AGAP1: variants seen among roughly 807,000 people sequenced by gnomAD.
AGAP1 encodes the protein ArfGAP with GTPase domain, ankyrin repeat and PH domain 1.
Under a neutral mutation model 105.3 loss-of-function variants are expected in AGAP1, and 29 were observed. The ratio of observed to expected loss-of-function variants is 0.28; its 90% CI spans 0.21 to 0.38. AGAP1 has a LOEUF of 0.38. Among genes scored for constraint, AGAP1 ranks in the 10% least tolerant of loss-of-function variants. The pLI is 1.00. For missense variants in AGAP1, 998 were observed against 1,165.1 expected (o/e 0.86, Z 2.09); for synonymous variants, 509 against 485.9 (o/e 1.05, Z -0.63).
At chr2:236,115,098 G>A (rs564003449) in intron 16 of AGAP1, among the ~76,000 whole-genome samples, 3 of 152,304 alleles carry the variant, frequency 2.0e-5, no homozygotes, top group South Asian at 2.1e-4. Flanking sequence ...GAAGCCTCCC[G>A]TGCCCAGCAG....
In AGAP1 at chr2:235,983,041, A is replaced by C. The variant is rs1200846810; in HGVS notation, c.1645+14418A>C. On this transcript the variant is annotated intron_variant, in intron 13 of 17. Transcript: ENST00000304032. The surrounding 1 kb of genome is among the most constrained non-coding windows in gnomAD (Gnocchi z 4.5). The stretch of plus-strand genomic sequence containing the variant: ...TTCAGATGAGCGATGTGTGAGCATG[A>C]GGAGACATTCCTTAAGCCAGCCTGG... Among the ~76,000 whole-genome samples the C allele has an allele frequency of 2.0e-5, 3 of 152,218 alleles. No individual in the cohort carries two copies. Among genetic ancestry groups the C allele is most frequent in the Admixed American group, 2.0e-4 (3 of 15,280 alleles).
In AGAP1 at chr2:235,740,828, G is replaced by A. The variant is rs1455564021; in HGVS notation, c.311-135G>A. 1.1e-6 allele frequency: 1 copy of A among 939,608 alleles called. No homozygotes were observed. Among genetic ancestry groups the A allele is most frequent in the Admixed American group, 2.5e-5 (1 of 39,638 alleles). 58.2% of individuals were successfully genotyped at this position (939,608 alleles called of 1,614,324 possible). On this transcript the variant is annotated intron_variant, in intron 3 of 17. Transcript: ENST00000304032. This position sits in a 1 kb window ranked among gnomAD's most constrained non-coding sequence, Gnocchi z 5.7. ...GCTCTGTTAAAATTCAGCATTTGCT[G>A]GCAACATCCTAAATACTCAGTTGCC...
At chr2:235,969,625 G>A (rs1261331437) in intron 13 of AGAP1, among the ~76,000 whole-genome samples, 1 of 152,182 alleles carries the variant, frequency 6.6e-6, no homozygotes, top group African/African-American at 2.4e-5. Context: ...GTCAGACAGT[G>A]GCTACATTAG....
intron 9 of AGAP1, among the ~76,000 whole-genome samples, chr2:235,837,142 C>T (rs1179106314): frequency 1.3e-5 from 2 of 152,148 alleles, no homozygotes; most frequent in South Asian, 2.1e-4. Flanking sequence ...TGCAACACCA[C>T]GCCTGGCTAA....
At chr2:236,052,580 C>T (rs1052647604) in intron 16 of AGAP1, among the ~76,000 whole-genome samples, 10 of 152,156 alleles carry the variant, frequency 6.6e-5, no homozygotes, top group Admixed American at 2.0e-4. Flanking sequence ...TCAATGGAAG[C>T]TGACGGCGGC....
At chr2:235,897,717 G>A (rs1446184171) in intron 10 of AGAP1, among the ~76,000 whole-genome samples, 1 of 152,200 alleles carries the variant, frequency 6.6e-6, no homozygotes, top group African/African-American at 2.4e-5. Context: ...GTAAGTCACA[G>A]CCGAGGACTC....
chr2:235,580,033 A>G (rs898149145), intron 1 of AGAP1, among the ~76,000 whole-genome samples: 2 of 152,178 alleles, frequency 1.3e-5, no homozygotes, highest in Non-Finnish European at 2.9e-5. Flanking sequence ...TCTTTCCCTT[A>G]ATATAATGTT....
Position 235,625,189 on chromosome 2 carries a change from T to G in AGAP1, c.164-83990T>G, listed in dbSNP as rs1946600372. 6.6e-6 allele frequency among the ~76,000 whole-genome samples: 1 copy of G among 152,216 alleles called. No individual in the cohort carries two copies. The highest frequency in any genetic ancestry group is 1.5e-5 in the Non-Finnish European group (1 of 68,044). On this transcript the variant is annotated intron_variant, in intron 1 of 17. Coordinates refer to ENST00000304032, the MANE Select transcript of AGAP1 (RefSeq NM_001037131.3). The surrounding 1 kb of genome is among the most constrained non-coding windows in gnomAD (Gnocchi z 4.0). ...CTAGACTCTTGGTGTTGCTCTTCTT[T>G]CCTTCATGACCTTGAACTCTCTGAC... is the stretch of plus-strand genomic sequence containing the variant.
In AGAP1 at chr2:235,959,997, T is replaced by G. The variant is rs1164756535; in HGVS notation, c.1484-8465T>G. 6.6e-6 allele frequency among the ~76,000 whole-genome samples: 1 copy of G among 152,188 alleles called. No homozygotes were observed. The highest frequency in any genetic ancestry group is 2.4e-5 in the African/African-American group (1 of 41,436). On this transcript the variant is annotated intron_variant, in intron 12 of 17. Transcript: ENST00000304032. This position sits in a 1 kb window ranked among gnomAD's most constrained non-coding sequence, Gnocchi z 7.3. ...GGAGTAAAATGTCCAGGGCCTGGGC[T>G]ATGGAGTGTTGGAGCATTGCCGTGG...
At chr2:235,499,607 A>G (rs945155544) in intron 1 of AGAP1, among the ~76,000 whole-genome samples, 4 of 152,158 alleles carry the variant, frequency 2.6e-5, no homozygotes, top group Non-Finnish European at 5.9e-5. Flanking sequence ...TTGTGAGTCC[A>G]GCTTACTCAT....
intron 1 of AGAP1, among the ~76,000 whole-genome samples, chr2:235,533,007 C>G (rs1435441313): frequency 2.0e-5 from 3 of 152,052 alleles, no homozygotes; most frequent in Non-Finnish European, 4.4e-5. Context: ...AAAAAAAAAT[C>G]AATCAATCAA....
At chr2:236,116,987 C>T (rs1014993656) in intron 16 of AGAP1, among the ~76,000 whole-genome samples, 2 of 152,146 alleles carry the variant, frequency 1.3e-5, no homozygotes, top group African/African-American at 2.4e-5. Context: ...ACCACAGTTT[C>T]TTTATCCACT....
intron 13 of AGAP1, among the ~76,000 whole-genome samples, chr2:235,985,510 A>G (rs763668123): frequency 7.9e-5 from 12 of 152,210 alleles, no homozygotes; most frequent in Non-Finnish European, 1.6e-4. Context: ...CATTTTTGTC[A>G]TGAAGTCTTT....
intron 1 of AGAP1, among the ~76,000 whole-genome samples, chr2:235,687,303 T>G (rs1313844464): frequency 6.6e-6 from 1 of 152,216 alleles, no homozygotes; most frequent in African/African-American, 2.4e-5. Context: ...TAGATATTGA[T>G]CCTTTGGAAG....
At chr2:236,066,796 C>G (rs1387811172) in intron 16 of AGAP1, among the ~76,000 whole-genome samples, 1 of 152,096 alleles carries the variant, frequency 6.6e-6, no homozygotes, top group African/African-American at 2.4e-5. Flanking sequence ...TTCCCCTGTC[C>G]CCCCTCCTGT....
At chr2:235,860,668 G>GT (rs769802703) in intron 9 of AGAP1, among the ~76,000 whole-genome samples, 5 of 152,066 alleles carry the variant, frequency 3.3e-5, no homozygotes, top group East Asian at 3.9e-4. Context: ...TACAGATTCT[G>GT]TTTTTTTGTA....
chr2:235,684,963 G>T (rs1339941569), intron 1 of AGAP1, among the ~76,000 whole-genome samples: 2 of 152,168 alleles, frequency 1.3e-5, no homozygotes, highest in African/African-American at 4.8e-5. Flanking sequence ...TGAAGCCCTT[G>T]TTCTTGGAGA....
rs571406918 is a variant in AGAP1 at position 235,958,662 on chromosome 2, G to A, written c.1484-9800G>A. Among the ~76,000 whole-genome samples, 1 of 152,296 alleles carries A rather than the reference G, an allele frequency of 6.6e-6. No individual in the cohort carries two copies. Among genetic ancestry groups the A allele is most frequent in the Non-Finnish European group, 1.5e-5 (1 of 68,040 alleles). ...TATGGCATCTTGTCAGCAGAGATAA[G>A]TTGTCACGTTTTCCACTTGAGCTGA... On this transcript the variant is annotated intron_variant, in intron 12 of 17. Transcript: ENST00000304032. This position sits in a 1 kb window ranked among gnomAD's most constrained non-coding sequence, Gnocchi z 4.1.
rs796721149 is a variant in AGAP1, at chr2:235,704,962, C to CTTTT, written c.164-4214_164-4211dup. Among the ~76,000 whole-genome samples, 5 of 86,010 alleles carry CTTTT rather than the reference C, an allele frequency of 5.8e-5. 1 individual carries two copies. The highest frequency in any genetic ancestry group is 5.3e-4 in the South Asian group (1 of 1,880). The allele number at this position is 86,010 out of a possible 152,430, so 56.4% of individuals were successfully genotyped here. On this transcript the variant is annotated intron_variant, in intron 1 of 17. Transcript: ENST00000304032. ...AACGTCGATTGTAAAATACAAGATGCTTTTTTCTTTTTTTTTTTTTTTTTT... is the reference window on the plus strand; with the variant it reads ...AACGTCGATTGTAAAATACAAGATGCTTTTTTTTTTCTTTTTTTTTTTTTTTTTT...
Sources: gnomAD v4.1 joint callset for allele counts (sites outside exome capture counted in the v4.1 genomes callset) on GRCh38, gnomAD v4.1.1 for gene constraint, Gnocchi (gnomAD v3.1) non-coding constraint, MANE v1.5 for transcripts, NCBI Gene and HGNC (gene_info 2026-07-23, HGNC 2026-07-21) for gene names.